Variants in DOCK2 observed in about 807,000 individuals in gnomAD.
DOCK2 encodes dedicator of cytokinesis 2, also known as dedicator of cytokinesis protein 2.
Under a neutral mutation model 248.9 loss-of-function variants are expected in DOCK2, and 87 were observed. The observed-to-expected ratio is 0.35, with a 90% CI of 0.29 to 0.42. The LOEUF is 0.42. Ranked by LOEUF, DOCK2 falls within the 10% of genes least tolerant of loss-of-function variation. The probability of loss-of-function intolerance (pLI) is 1.00; values close to 1 mark genes in which losing one functional copy is unlikely to be tolerated. For missense variants in DOCK2, 1,747 were observed against 2,300.2 expected, an observed-to-expected ratio of 0.76 and a Z score of 4.92; for synonymous variants, 805 against 821.6, an observed-to-expected ratio of 0.98 and a Z score of 0.35.
chr5:169,941,941 A>C (rs1023730627), intron 27 of DOCK2, among the ~76,000 whole-genome samples: 1 of 152,202 alleles, frequency 6.6e-6, no homozygotes, highest in Non-Finnish European at 1.5e-5. Flanking sequence ...CTCCCAATTT[A>C]AAAAACACAC....
chr5:169,994,047 T>TCACA (rs1778275153), intron 29 of DOCK2, among the ~76,000 whole-genome samples: 1 of 152,222 alleles, frequency 6.6e-6, no homozygotes, highest in Non-Finnish European at 1.5e-5. Flanking sequence ...GAATTGTCCT[T>TCACA]AACTTAGTTG....
chr5:169,712,307 C>T, intron 17 of DOCK2, 84 bp downstream of exon 17: 1 of 1,198,738 alleles, frequency 8.3e-7, no homozygotes, highest in Non-Finnish European at 1.2e-6. Flanking sequence ...TGGTCAACAG[C>T]AGGGACCCCA....
At chr5:169,761,367 A>G in intron 24 of DOCK2, 152 bp from the exon 25 acceptor site, 1 of 650,852 alleles carries the variant, frequency 1.5e-6, no homozygotes, top group Non-Finnish European at 2.7e-6. Flanking sequence ...AACAACTTGT[A>G]CATTTTTACT....
chr5:169,690,290 A>G (rs1760218278), intron 9 of DOCK2, among the ~76,000 whole-genome samples: 1 of 152,166 alleles, frequency 6.6e-6, no homozygotes, highest in Non-Finnish European at 1.5e-5. Flanking sequence ...ATTTTTCACT[A>G]CATTGCCTGT....
rs369658808 is a variant in DOCK2, at chr5:169,957,683, T to G, written c.2800-25385T>G. Among the ~76,000 whole-genome samples, 26 of 152,242 alleles carry G rather than the reference T, an allele frequency of 1.7e-4. 1 individual carries two copies. In the South Asian group the frequency reaches 5.0e-3, roughly 29 times the overall value. On this transcript the variant is annotated intron_variant, in intron 27 of 51. Transcript: ENST00000520908. The stretch of plus-strand genomic sequence containing the variant: ...AGCCTCAGGAATATTTGGAAACCCT[T>G]CTGAGTTTTTCAGCTCCCCAGAGTA...
intron 36 of DOCK2, chr5:170,040,571 G>C (rs960712186): frequency 5.7e-6 from 1 of 174,118 alleles, no homozygotes; most frequent in African/African-American, 2.1e-5. Flanking sequence ...GCTGTGGCTT[G>C]TTCATACTCC....
chr5:169,969,724 G>A (rs569858871), intron 27 of DOCK2, among the ~76,000 whole-genome samples: 2 of 151,276 alleles, frequency 1.3e-5, no homozygotes, highest in Non-Finnish European at 2.9e-5. Context: ...AACTGTCCTG[G>A]TTACCTAGGA....
At chr5:169,904,338 T>A (rs1774148810) in intron 27 of DOCK2, among the ~76,000 whole-genome samples, 1 of 152,204 alleles carries the variant, frequency 6.6e-6, no homozygotes, top group Admixed American at 6.5e-5. Flanking sequence ...CTGGGCTTGC[T>A]GAGTAGCTGA....
chr5:170,077,455 TA>T (rs1757873973), intron 47 of DOCK2, among the ~76,000 whole-genome samples: 1 of 152,170 alleles, frequency 6.6e-6, no homozygotes, highest in African/African-American at 2.4e-5. Flanking sequence ...CCACCATGAA[TA>T]ATAACAAGGA....
chr5:169,823,296 A>C (rs1768602591), intron 26 of DOCK2, among the ~76,000 whole-genome samples: 1 of 152,228 alleles, frequency 6.6e-6, no homozygotes, highest in Non-Finnish European at 1.5e-5. Flanking sequence ...CTGGTACCAA[A>C]GCCTGGCAGA....
intron 46 of DOCK2, 60 bp downstream of exon 46, chr5:170,069,280 C>T: frequency 6.4e-7 from 1 of 1,562,774 alleles, no homozygotes; most frequent in Admixed American, 1.7e-5. Flanking sequence ...CACCGTGGTT[C>T]ACTTGCCCCA....
rs142755026 is a variant in DOCK2, at chr5:169,765,070, G to GCACACACACACACA, written c.2554+3465_2554+3478dup. Among the ~76,000 whole-genome samples the GCACACACACACACA allele has an allele frequency of 2.3e-4, 34 of 146,602 alleles. No individual in the cohort carries two copies. The East Asian group carries it at 3.2e-3, about 14-fold the overall frequency. The stretch of plus-strand genomic sequence containing the variant: ...ATTTACCCCTCAGGGCTCTTTTAGC[G>GCACACACACACACA]CACACACACACACACACACACACAC... On this transcript the variant is annotated intron_variant, in intron 25 of 51. Transcript: ENST00000520908.
chr5:169,860,292 G>A (rs757909651), intron 27 of DOCK2, among the ~76,000 whole-genome samples: 2 of 152,008 alleles, frequency 1.3e-5, no homozygotes, highest in Non-Finnish European at 2.9e-5. Flanking sequence ...AGAAAAACCT[G>A]TTTCTGAAAA....
chr5:169,942,654 G>A (rs1027585928), intron 27 of DOCK2, among the ~76,000 whole-genome samples: 1 of 152,306 alleles, frequency 6.6e-6, no homozygotes, highest in African/African-American at 2.4e-5. Flanking sequence ...AGGATGCAGG[G>A]CGGTCTGGAG....
intron 30 of DOCK2, among the ~76,000 whole-genome samples, chr5:170,005,318 A>G (rs1316832996): frequency 6.6e-6 from 1 of 152,204 alleles, no homozygotes; most frequent in African/African-American, 2.4e-5. Flanking sequence ...ATAGCAATTG[A>G]TAAACAAATA....
At chr5:169,836,319 T>C (rs1769581980) in intron 26 of DOCK2, among the ~76,000 whole-genome samples, 2 of 152,236 alleles carry the variant, frequency 1.3e-5, no homozygotes, top group Non-Finnish European at 2.9e-5. Flanking sequence ...AGAGAAGAGA[T>C]ACTTGTATAA....
chr5:169,815,291 C>T (rs1353096508), intron 26 of DOCK2, among the ~76,000 whole-genome samples: 10 of 152,220 alleles, frequency 6.6e-5, no homozygotes, highest in African/African-American at 2.4e-4. Context: ...TCACAGTTGA[C>T]TAGACCTCCC....
chr5:170,056,687 C>T lies in DOCK2; in HGVS notation c.4299C>T (p.Phe1433=), dbSNP rs1449492868. 2 of 1,613,946 alleles carry T rather than the reference C, an allele frequency of 1.2e-6. No individual in the cohort carries two copies. Among genetic ancestry groups the T allele is most frequent in the Non-Finnish European group, 1.7e-6 (2 of 1,179,970 alleles). ...TCAGCCTCTTCCTGTCTTTCAGCTT[C>T]TACAAATCCAACTACGTGCAAAGGT... ...NKPVPDQIIN[F]YKSNYVQRFH... Residue 1433 remains phenylalanine, a synonymous_variant, in exon 43 of 52, where the codon TTC becomes TTT. Coordinates refer to ENST00000520908, the MANE Select transcript of DOCK2 (RefSeq NM_004946.3).
intron 50 of DOCK2, 150 bp downstream of exon 50, chr5:170,080,433 T>C: frequency 8.1e-7 from 1 of 1,230,460 alleles, no homozygotes; most frequent in Non-Finnish European, 1.1e-6. Context: ...ACCCACCCTC[T>C]AATCTCTCCC....
Sources: allele counts gnomAD v4.1 joint callset (sites outside exome capture counted in the v4.1 genomes callset), GRCh38; gene constraint gnomAD v4.1.1; transcripts MANE v1.5; gene names NCBI Gene and HGNC (gene_info 2026-07-23, HGNC 2026-07-21).